The following VAV2 variants were observed in gnomAD, a reference collection of about 807,000 sequenced individuals.
VAV2 encodes the protein vav guanine nucleotide exchange factor 2.
VAV2 carries 67 observed loss-of-function variants against 132.5 expected under a neutral mutation model. That is an observed-to-expected ratio of 0.51 (90% CI 0.42 to 0.62). The LOEUF (loss-of-function observed/expected upper bound fraction) is 0.62. Ranked by LOEUF, VAV2 falls within the 20% of genes least tolerant of loss-of-function variation. The probability of loss-of-function intolerance (pLI) is 0.00; values close to 1 mark genes in which losing one functional copy is unlikely to be tolerated. For missense variants in VAV2, 938 were observed against 1,153.6 expected (o/e 0.81, Z 2.71); for synonymous variants, 492 against 443.5 (o/e 1.11, Z -1.37).
Position 133,770,232 on chromosome 9 carries a change from C to T in VAV2, c.2347+146G>A, listed in dbSNP as rs548544657. 1.7e-5 allele frequency: 22 copies of T among 1,318,540 alleles called. No individual in the cohort carries two copies. The South Asian group carries it at 2.0e-4, about 12-fold the overall frequency. 81.7% of individuals were successfully genotyped at this position (1,318,540 alleles called of 1,614,324 possible). A position where few individuals can be genotyped will look rare whatever the true frequency, so the allele number is the denominator to read the frequency against. ...AGGAGATGCCACATGACAGCATCTGCGATGGCTGGGGGAGGGGCGGGGGCT... is the reference window on the plus strand; with the variant it reads ...AGGAGATGCCACATGACAGCATCTGTGATGGCTGGGGGAGGGGCGGGGGCT... On this transcript the variant is annotated intron_variant, in intron 27 of 29. Coordinates refer to ENST00000371850, the MANE Select transcript of VAV2 (RefSeq NM_001134398.2).
chr9:133,806,017 C>A, intron 9 of VAV2, 64 bp downstream of exon 9: 1 of 1,529,908 alleles, frequency 6.5e-7, no homozygotes, highest in Non-Finnish European at 8.9e-7. Context: ...AAGAGTTCCA[C>A]TTGTGTAAAC....
intron 4 of VAV2, among the ~76,000 whole-genome samples, chr9:133,813,239 A>C (rs1393610637): frequency 6.6e-6 from 1 of 152,232 alleles, no homozygotes; most frequent in Admixed American, 6.5e-5. Context: ...TCCCGGGCTC[A>C]AAGTGGGTGG....
At chr9:133,832,849 GT>G (rs11458565) in intron 4 of VAV2, among the ~76,000 whole-genome samples, 13 of 151,434 alleles carry the variant, frequency 8.6e-5, no homozygotes, top group African/African-American at 4.8e-5. Flanking sequence ...GGAGTGAGCA[GT>G]TTTTTTTTGA....
intron 2 of VAV2, among the ~76,000 whole-genome samples, chr9:133,911,305 G>T (rs916633355): frequency 6.6e-6 from 1 of 152,180 alleles, no homozygotes; most frequent in Admixed American, 6.5e-5. Context: ...AGAGAGAAAC[G>T]CCGTGTCTGT....
At chr9:133,867,562 T>C (rs921848218) in intron 2 of VAV2, among the ~76,000 whole-genome samples, 1 of 152,062 alleles carries the variant, frequency 6.6e-6, no homozygotes, top group African/African-American at 2.4e-5. Flanking sequence ...CAGGACCCCC[T>C]GGCAGGGCCA....
chr9:133,938,561 C>T lies in VAV2; in HGVS notation c.321+542G>A, dbSNP rs1472974032. On this transcript the variant is annotated intron_variant, in intron 2 of 29. Coordinates refer to ENST00000371850, the MANE Select transcript of VAV2 (RefSeq NM_001134398.2). ...GCTTCCTGAGAACACAGAGACACTT[C>T]CCGGGGTCACCACTGGAGAATACCC... 2.6e-5 allele frequency among the ~76,000 whole-genome samples: 4 copies of T among 152,062 alleles called. No homozygotes were observed. In the East Asian group the frequency reaches 7.8e-4, roughly 29 times the overall value.
intron 18 of VAV2, among the ~76,000 whole-genome samples, chr9:133,783,877 G>T (rs13283556): frequency 0.052 from 4,449 of 85,222 alleles, 473 homozygotes; most frequent in Middle Eastern, 0.075. Flanking sequence ...TGGCTGGGCC[G>T]TTTTTTTTTT....
At chr9:133,820,271 T>G (rs1835732498) in intron 4 of VAV2, among the ~76,000 whole-genome samples, 1 of 152,218 alleles carries the variant, frequency 6.6e-6, no homozygotes, top group Admixed American at 6.5e-5. Context: ...GAAATGCCAC[T>G]GCTACCTGGC....
At position 133,885,594 on chromosome 9, in the gene VAV2, G is replaced by A. The variant is rs1181884070; in HGVS notation, c.322-24162C>T. Among the ~76,000 whole-genome samples, 1 of 152,144 alleles carries A rather than the reference G, an allele frequency of 6.6e-6. No homozygotes were observed. Among genetic ancestry groups the A allele is most frequent in the Non-Finnish European group, 1.5e-5 (1 of 68,024 alleles). On this transcript the variant is annotated intron_variant, in intron 2 of 29. Coordinates refer to ENST00000371850, the MANE Select transcript of VAV2 (RefSeq NM_001134398.2). This position sits in a 1 kb window ranked among gnomAD's most constrained non-coding sequence, Gnocchi z 5.0. ...AAGGTGCTCAGGCCGCAGGGGAGAC[G>A]TGACCCCAGGGCGGACCCCTCCCAA...
intron 2 of VAV2, among the ~76,000 whole-genome samples, chr9:133,933,130 T>C (rs540108671): frequency 2.0e-5 from 3 of 152,358 alleles, no homozygotes; most frequent in Admixed American, 2.0e-4. Context: ...CACGTTAGTG[T>C]CCCTTTAACA....
Position 133,815,503 on chromosome 9 carries a change from A to G in VAV2, c.450-3287T>C, listed in dbSNP as rs116718001. 7.4e-3 allele frequency among the ~76,000 whole-genome samples: 1,119 copies of G among 151,808 alleles called. 19 individuals are homozygous for G. The highest frequency in any genetic ancestry group is 0.025 in the African/African-American group (1,027 of 41,374). On this transcript the variant is annotated intron_variant, in intron 4 of 29. Transcript: ENST00000371850. ...GCAACCACCCTTCTGACTGTTCTTC[A>G]CCACAGACGAGCCTTGTCTGTAGAA...
chr9:133,966,318 G>A (rs907556009), intron 1 of VAV2, among the ~76,000 whole-genome samples: 1 of 152,204 alleles, frequency 6.6e-6, no homozygotes, highest in Admixed American at 6.5e-5. Context: ...ACACAGCAAA[G>A]CAAACAATCA....
chr9:133,941,018 T>TC (rs1554814355), intron 1 of VAV2, among the ~76,000 whole-genome samples: 1 of 79,308 alleles, frequency 1.3e-5, no homozygotes, highest in East Asian at 5.8e-4. Context: ...TCTGGTACAG[T>TC]CCTCCAACAG....
intron 12 of VAV2, 86 bp from the exon 13 acceptor site, chr9:133,791,955 TG>T: frequency 3.4e-6 from 1 of 298,004 alleles, no homozygotes; most frequent in Non-Finnish European, 4.9e-6. Flanking sequence ...CTGGGTGGGG[TG>T]TGTGTGCATG....
chr9:133,765,637 A>C (rs1833405602), intron 29 of VAV2, among the ~76,000 whole-genome samples: 1 of 152,262 alleles, frequency 6.6e-6, no homozygotes, highest in Non-Finnish European at 1.5e-5. Context: ...GACTGGATCC[A>C]GGACCAGGAG....
chr9:133,972,269 A>G (rs1416169900), intron 1 of VAV2, among the ~76,000 whole-genome samples: 5 of 152,304 alleles, frequency 3.3e-5, no homozygotes, highest in Non-Finnish European at 7.3e-5. Context: ...CTCAGCGGGC[A>G]CGCCCCTCAG....
At chr9:133,783,408 G>A in intron 19 of VAV2, 95 bp downstream of exon 19, 5 of 1,252,284 alleles carry the variant, frequency 4.0e-6, no homozygotes, top group African/African-American at 1.5e-5. Flanking sequence ...CTGCCCCGTG[G>A]GAGATGGTGC....
At chr9:133,982,438 C>T (rs1019839979) in intron 1 of VAV2, among the ~76,000 whole-genome samples, 4 of 125,558 alleles carry the variant, frequency 3.2e-5, no homozygotes, top group Non-Finnish European at 5.5e-5. Flanking sequence ...GGACCTAGGA[C>T]GGGGCATGGC....
At position 133,939,100 on chromosome 9, in the gene VAV2, C is replaced by A; in HGVS notation, c.321+3G>T. ...ACCGAGGCTGGAGAGAGTGACTGCTCACCTTTCCAAAGTCTCGCACATCGA... is the reference window on the plus strand; with the variant it reads ...ACCGAGGCTGGAGAGAGTGACTGCTAACCTTTCCAAAGTCTCGCACATCGA... On this transcript the variant is annotated splice_donor_region_variant and intron_variant, in intron 2 of 29. Transcript: ENST00000371850. 6.2e-7 allele frequency: 1 copy of A among 1,613,776 alleles called. No individual in the cohort carries two copies. The highest frequency in any genetic ancestry group is 1.1e-5 in the South Asian group (1 of 91,082).
Sources: gnomAD v4.1 joint callset for allele counts (sites outside exome capture counted in the v4.1 genomes callset) on GRCh38, gnomAD v4.1.1 for gene constraint, Gnocchi (gnomAD v3.1) non-coding constraint, MANE v1.5 for transcripts, NCBI Gene and HGNC (gene_info 2026-07-23, HGNC 2026-07-21) for gene names.